The following TMTC1 variants were observed in gnomAD, a reference collection of about 807,000 sequenced individuals.
TMTC1 encodes protein O-mannosyl-transferase TMTC1.
TMTC1 carries 73 observed loss-of-function variants against 104.8 expected under a neutral mutation model. The ratio of observed to expected loss-of-function variants is 0.70; its 90% CI spans 0.58 to 0.85. TMTC1 has a LOEUF of 0.85. TMTC1 is among the 40% of genes least tolerant of loss of function. TMTC1 has a pLI of 0.00. For missense variants in TMTC1, 1,035 were observed against 1,096.1 expected (o/e 0.94, Z 0.79); for synonymous variants, 434 against 428.7 (o/e 1.01, Z -0.15).
chr12:29,756,208 C>T (rs1943211843), intron 3 of TMTC1, among the ~76,000 whole-genome samples: 1 of 152,204 alleles, frequency 6.6e-6, no homozygotes, highest in Admixed American at 6.5e-5. Context: ...AAACTATATG[C>T]ATAAGCTCAG....
intron 5 of TMTC1, among the ~76,000 whole-genome samples, chr12:29,638,583 C>A (rs1164357357): frequency 6.6e-6 from 1 of 152,206 alleles, no homozygotes. Flanking sequence ...AGCTGATTAA[C>A]ACAAGCCGCC....
chr12:29,658,422 A>C (rs1046989295), intron 5 of TMTC1: 5 of 152,272 alleles, frequency 3.3e-5, no homozygotes, highest in African/African-American at 1.2e-4. Context: ...GCCAGACTCC[A>C]TTCCACTCGT....
chr12:29,779,406 A>G (rs1049906645), intron 1 of TMTC1, among the ~76,000 whole-genome samples: 10 of 152,234 alleles, frequency 6.6e-5, no homozygotes, highest in African/African-American at 2.2e-4. Context: ...AGCTGCTTTC[A>G]TATTCCACTG....
intron 5 of TMTC1, among the ~76,000 whole-genome samples, chr12:29,739,226 AC>A (rs1190766905): frequency 1.3e-5 from 2 of 151,906 alleles, no homozygotes; most frequent in Admixed American, 6.6e-5. Context: ...ACTCCTGCCT[AC>A]CCTTCCCAAC....
chr12:29,729,658 G>A (rs368535874), intron 5 of TMTC1, among the ~76,000 whole-genome samples: 10 of 152,050 alleles, frequency 6.6e-5, no homozygotes, highest in South Asian at 2.1e-4. Flanking sequence ...ATGGGGTTAC[G>A]GCCTCACTGG....
chr12:29,564,589 G>A (rs995735148), intron 9 of TMTC1, among the ~76,000 whole-genome samples: 15 of 152,336 alleles, frequency 9.8e-5, no homozygotes, highest in South Asian at 6.2e-4. Flanking sequence ...TTATCTGCAT[G>A]GAGGTAGCTG....
intron 5 of TMTC1, among the ~76,000 whole-genome samples, chr12:29,699,215 A>C (rs1226772850): frequency 6.6e-6 from 1 of 152,196 alleles, no homozygotes; most frequent in Non-Finnish European, 1.5e-5. Context: ...GTGCAGAGGA[A>C]GGTCTCTGAA....
chr12:29,521,631 G>A (rs752739582), intron 11 of TMTC1, among the ~76,000 whole-genome samples: 66 of 146,672 alleles, frequency 4.5e-4, no homozygotes, highest in Non-Finnish European at 8.3e-4. Flanking sequence ...GCAATGGGGC[G>A]ATCTCGGCTC....
chr12:29,690,929 T>G (rs1482874168), intron 5 of TMTC1, among the ~76,000 whole-genome samples: 1 of 152,346 alleles, frequency 6.6e-6, no homozygotes, highest in East Asian at 1.9e-4. Context: ...AACTCCATCT[T>G]GCTTCTAACT....
chr12:29,711,190 G>A (rs1258249038), intron 5 of TMTC1, among the ~76,000 whole-genome samples: 2 of 151,572 alleles, frequency 1.3e-5, no homozygotes, highest in African/African-American at 4.9e-5. Context: ...GTGTGCCCAG[G>A]CTGGTCTCAA....
At chr12:29,727,785 T>TTTTTCTTGTTTTTTG (rs1555193129) in intron 5 of TMTC1, among the ~76,000 whole-genome samples, 15 of 151,790 alleles carry the variant, frequency 9.9e-5, no homozygotes, top group Non-Finnish European at 2.1e-4. Flanking sequence ...TTGTAGCAGT[T>TTTTTCTTGTTTTTTG]TTTTGTTTTG....
chr12:29,722,143 C>A (rs1376014886), intron 5 of TMTC1, among the ~76,000 whole-genome samples: 1 of 152,180 alleles, frequency 6.6e-6, no homozygotes, highest in Non-Finnish European at 1.5e-5. Flanking sequence ...ATTTTGACCT[C>A]ATGGACCCCT....
chr12:29,606,931 T>C (rs11837812), intron 6 of TMTC1, among the ~76,000 whole-genome samples: 2,305 of 151,786 alleles, frequency 0.015, 49 homozygotes, highest in African/African-American at 0.052. Context: ...GGTGCCTTCA[T>C]CTCAGTGGTG....
intron 6 of TMTC1, among the ~76,000 whole-genome samples, chr12:29,618,578 A>G (rs894754882): frequency 7.3e-5 from 11 of 149,858 alleles, no homozygotes; most frequent in Admixed American, 7.3e-4. Flanking sequence ...TGATGGAGGG[A>G]TGATTCTTCC....
intron 8 of TMTC1, 98 bp from the exon 9 acceptor site, chr12:29,572,316 T>C: frequency 9.8e-7 from 1 of 1,015,808 alleles, no homozygotes; most frequent in Non-Finnish European, 1.5e-6. Flanking sequence ...GTATTTGAAA[T>C]GTCCGTTGTA....
chr12:29,527,120 G>A (rs540526412), intron 11 of TMTC1, among the ~76,000 whole-genome samples: 3 of 152,190 alleles, frequency 2.0e-5, no homozygotes, highest in East Asian at 3.9e-4. Context: ...TATGTCAAAG[G>A]TTTAAAACAT....
At chr12:29,612,038 G>A (rs1474315157) in intron 6 of TMTC1, among the ~76,000 whole-genome samples, 1 of 152,184 alleles carries the variant, frequency 6.6e-6, no homozygotes, top group Non-Finnish European at 1.5e-5. Flanking sequence ...TCAGTAAGAA[G>A]CAAGGGCTTC....
chr12:29,654,663 T>C (rs1025924411), intron 5 of TMTC1, among the ~76,000 whole-genome samples: 7 of 151,162 alleles, frequency 4.6e-5, no homozygotes, highest in African/African-American at 1.5e-4. Context: ...TGAATGTTCA[T>C]AGCACCATTA....
At chr12:29,508,746 T>C (rs562950916) in intron 17 of TMTC1, among the ~76,000 whole-genome samples, 11 of 152,232 alleles carry the variant, frequency 7.2e-5, no homozygotes, top group Non-Finnish European at 1.3e-4. Context: ...CGGCTAATTT[T>C]TGTATTTTTG....
Sources: allele counts gnomAD v4.1 joint callset (sites outside exome capture counted in the v4.1 genomes callset), GRCh38; gene constraint gnomAD v4.1.1; transcripts MANE v1.5; gene names NCBI Gene and HGNC (gene_info 2026-07-23, HGNC 2026-07-21).